ICE1: variants seen among roughly 807,000 people sequenced by gnomAD.
ICE1 encodes interactor of little elongation complex ELL subunit 1, also known as little elongation complex subunit 1.
A neutral mutation model predicts 192.7 loss-of-function variants in ICE1; 64 were observed. The ratio of observed to expected loss-of-function variants is 0.33; its 90% CI spans 0.27 to 0.41. The LOEUF (loss-of-function observed/expected upper bound fraction) is 0.41. Among genes scored for constraint, ICE1 ranks in the 10% least tolerant of loss-of-function variants. The pLI is 1.00. For missense variants in ICE1, 2,708 were observed against 2,696.0 expected (o/e 1.00, Z -0.10); for synonymous variants, 1,010 against 984.5 (o/e 1.03, Z -0.49).
At chr5:5,467,953 A>G (rs1443683176) in intron 14 of ICE1, among the ~76,000 whole-genome samples, 1 of 152,214 alleles carries the variant, frequency 6.6e-6, no homozygotes, top group African/African-American at 2.4e-5. Context: ...ACATCATTAC[A>G]TAAACTAGCA....
intron 15 of ICE1, among the ~76,000 whole-genome samples, chr5:5,470,298 C>T (rs1409368461): frequency 6.6e-6 from 1 of 152,176 alleles, no homozygotes; most frequent in Non-Finnish European, 1.5e-5. Context: ...GGTTACCCGC[C>T]TTCAGAATGT....
rs376769732 is a variant in ICE1, at chr5:5,463,639, T to G, written c.4305T>G (p.His1435Gln). 45 of 1,613,868 alleles carry G rather than the reference T, an allele frequency of 2.8e-5. No homozygotes were observed. The African/African-American group carries it at 5.3e-4, about 19-fold the overall frequency. Residue 1435 changes from histidine to glutamine, a missense_variant, in exon 13 of 19, where the codon CAT (histidine) becomes CAG (glutamine). Around this residue, in one of 2 missense-constraint regions of ICE1, gnomAD observed 2,366 missense variants for 2,276.6 expected, o/e 1.04. Coordinates refer to ENST00000296564, the MANE Select transcript of ICE1 (RefSeq NM_015325.3). ...TIISGVAVLP[H>Q]VDQVTLCDIP... Reference sequence around the variant, plus strand: ...TCAGTGGTGTAGCTGTCTTGCCACATGTGGACCAGGTCACACTGTGTGACA... The same window carrying G: ...TCAGTGGTGTAGCTGTCTTGCCACAGGTGGACCAGGTCACACTGTGTGACA...
intron 11 of ICE1, among the ~76,000 whole-genome samples, chr5:5,456,538 G>C (rs1738585562): frequency 6.6e-6 from 1 of 151,934 alleles, no homozygotes; most frequent in Non-Finnish European, 1.5e-5. Context: ...TTTTAGCTTT[G>C]GTGGGAGCTT....
chr5:5,442,079 A>G (rs1244697888), intron 5 of ICE1, among the ~76,000 whole-genome samples: 1 of 152,234 alleles, frequency 6.6e-6, no homozygotes, highest in East Asian at 1.9e-4. Flanking sequence ...TTCAAAGTCA[A>G]GTTGCAGTAA....
At position 5,464,897 on chromosome 5, in the gene ICE1, C is replaced by T; in HGVS notation, c.5563C>T (p.Pro1855Ser). 1 of 1,613,316 alleles carries T rather than the reference C, an allele frequency of 6.2e-7. No homozygotes were observed. The highest frequency in any genetic ancestry group is 8.5e-7 in the Non-Finnish European group (1 of 1,179,592). ...AAGACTGCGCCTGGACACTGGGTCC[C>T]CAGAACCAGAAACCAGGGGAGTCAC... The part of the protein sequence containing the change: ...AKRLRLDTGS[P>S]EPETRGVTAE... The change falls in exon 13 of 19, where the codon CCA becomes TCA. Residue 1855 changes from proline (P) to serine (S), a missense_variant. Around this residue, in one of 2 missense-constraint regions of ICE1, gnomAD observed 2,366 missense variants for 2,276.6 expected, o/e 1.04. Transcript: ENST00000296564. This position sits in a 1 kb window ranked among gnomAD's most constrained non-coding sequence, Gnocchi z 4.0.
At chr5:5,489,029 A>G (rs1021963082) in intron 18 of ICE1, 120 bp from the exon 19 acceptor site, 1 of 837,812 alleles carries the variant, frequency 1.2e-6, no homozygotes, top group African/African-American at 1.7e-5. Flanking sequence ...TTTTATATTT[A>G]ATTTTCATTG....
intron 18 of ICE1, among the ~76,000 whole-genome samples, chr5:5,487,493 A>C (rs1739666332): frequency 6.6e-6 from 1 of 152,228 alleles, no homozygotes; most frequent in South Asian, 2.1e-4. Flanking sequence ...AGATGATCTT[A>C]ACATGGTAGG....
chr5:5,464,668 T>C lies in ICE1; in HGVS notation c.5334T>C (p.Gly1778=). ...ILKGNIQLTR[G]PPADCKNLPG... Reference sequence around the variant, plus strand: ...AAGGGAATATTCAACTCACACGAGGTCCGCCTGCTGACTGTAAGAATTTAC... The same window carrying C: ...AAGGGAATATTCAACTCACACGAGGCCCGCCTGCTGACTGTAAGAATTTAC... Residue 1778 remains glycine, a synonymous_variant, in exon 13 of 19, where the codon GGT becomes GGC. Coordinates refer to ENST00000296564, the MANE Select transcript of ICE1 (RefSeq NM_015325.3). This position sits in a 1 kb window ranked among gnomAD's most constrained non-coding sequence, Gnocchi z 4.0. 1.2e-6 allele frequency: 2 copies of C among 1,613,738 alleles called. No homozygotes were observed. The highest frequency in any genetic ancestry group is 1.7e-6 in the Non-Finnish European group (2 of 1,179,840).
At chr5:5,483,624 G>A (rs1222074692) in intron 17 of ICE1, among the ~76,000 whole-genome samples, 2 of 152,208 alleles carry the variant, frequency 1.3e-5, no homozygotes, top group African/African-American at 4.8e-5. Flanking sequence ...AGGCCATCCA[G>A]TGGAAAGGTA....
intron 10 of ICE1, among the ~76,000 whole-genome samples, chr5:5,451,773 A>AT (rs1277738395): frequency 1.3e-5 from 2 of 152,108 alleles, no homozygotes; most frequent in Non-Finnish European, 2.9e-5. Context: ...TCTGTTATTA[A>AT]TTTTTTTGTT....
At chr5:5,488,957 T>G (rs1739713138) in intron 18 of ICE1, among the ~76,000 whole-genome samples, 192 bp from the exon 19 acceptor site, 1 of 152,174 alleles carries the variant, frequency 6.6e-6, no homozygotes, top group Non-Finnish European at 1.5e-5. Context: ...ACAGCTACTG[T>G]CTGGCTTTTC....
Position 5,447,891 on chromosome 5 carries a change from G to T in ICE1, c.598G>T (p.Asp200Tyr). ...QISSDSYGSI[D>Y]KRKVKLLLKE... Reference sequence around the variant, plus strand: ...TTCAAGTGATTCATATGGAAGCATAGATAAAAGTGAGTATATTGCAACTTT... The same window carrying T: ...TTCAAGTGATTCATATGGAAGCATATATAAAAGTGAGTATATTGCAACTTT... The change falls in exon 10 of 19, where the codon GAT (aspartate) becomes TAT (tyrosine). Residue 200 changes from aspartate (D) to tyrosine (Y), a missense_variant. Physicochemically the swap from Asp to Tyr is radical, Grantham distance 160. Coordinates refer to ENST00000296564, the MANE Select transcript of ICE1 (RefSeq NM_015325.3). 1 of 1,566,868 alleles carries T rather than the reference G, an allele frequency of 6.4e-7. No homozygotes were observed. The highest frequency in any genetic ancestry group is 8.7e-7 in the Non-Finnish European group (1 of 1,153,136).
At chr5:5,430,625 T>C (rs554329130) in intron 1 of ICE1, among the ~76,000 whole-genome samples, 1 of 152,212 alleles carries the variant, frequency 6.6e-6, no homozygotes, top group Non-Finnish European at 1.5e-5. Flanking sequence ...TATTTTACAA[T>C]GAATTTTCCT....
chr5:5,449,987 A>G (rs1235535295), intron 10 of ICE1, among the ~76,000 whole-genome samples: 1 of 152,222 alleles, frequency 6.6e-6, no homozygotes, highest in East Asian at 1.9e-4. Context: ...TGAAATGAGA[A>G]TCTACATTTA....
In ICE1 at chr5:5,446,155, G is replaced by A. The variant is rs996380014; in HGVS notation, c.425-1272G>A. Among the ~76,000 whole-genome samples, 6 of 151,878 alleles carry A rather than the reference G, an allele frequency of 4.0e-5. No homozygotes were observed. The East Asian group carries it at 1.2e-3, about 29-fold the overall frequency. ...CTCCAGAGTAGATGGGACTATAGGT[G>A]TGTGCTACCACACCTGCCTTTTAAA... is the stretch of plus-strand genomic sequence containing the variant. On this transcript the variant is annotated intron_variant, in intron 7 of 18. Coordinates refer to ENST00000296564, the MANE Select transcript of ICE1 (RefSeq NM_015325.3).
chr5:5,481,362 G>C (rs1739499601), intron 17 of ICE1, among the ~76,000 whole-genome samples: 1 of 152,108 alleles, frequency 6.6e-6, no homozygotes, highest in South Asian at 2.1e-4. Context: ...AGTGAAGACT[G>C]TTTTTTGTGG....
At chr5:5,433,810 G>A (rs780526793) in intron 1 of ICE1, among the ~76,000 whole-genome samples, 1 of 152,060 alleles carries the variant, frequency 6.6e-6, no homozygotes, top group Non-Finnish European at 1.5e-5. Context: ...TCTGTACCTA[G>A]CAAAGTCTTA....
chr5:5,466,239 A>T (rs541235062), intron 13 of ICE1, 95 bp from the exon 14 acceptor site: 9 of 1,130,440 alleles, frequency 8.0e-6, no homozygotes, highest in Non-Finnish European at 1.1e-5. Context: ...TATTTTTTCA[A>T]TAGATACTTA....
At chr5:5,452,371 T>C (rs1229724865) in intron 10 of ICE1, among the ~76,000 whole-genome samples, 2 of 152,034 alleles carry the variant, frequency 1.3e-5, no homozygotes, top group Non-Finnish European at 2.9e-5. Context: ...AATGAACATA[T>C]ACATTGTACC....
Sources: allele counts gnomAD v4.1 joint callset (sites outside exome capture counted in the v4.1 genomes callset), GRCh38; gene constraint gnomAD v4.1.1; regional missense constraint gnomAD v4.1.1; non-coding constraint Gnocchi (gnomAD v3.1); transcripts MANE v1.5; gene names NCBI Gene and HGNC (gene_info 2026-07-23, HGNC 2026-07-21).